Variants in NUP160 observed in about 807,000 individuals in gnomAD.
NUP160 encodes nucleoporin 160, also known as nuclear pore complex protein Nup160.
NUP160 carries 94 observed loss-of-function variants against 196.9 expected under a neutral mutation model. That is an observed-to-expected ratio of 0.48 (90% confidence interval 0.40 to 0.57). NUP160 has a LOEUF of 0.57. Among genes scored for constraint, NUP160 ranks in the 20% least tolerant of loss-of-function variants. The pLI is 0.00. For synonymous variants in NUP160, 605 were observed against 619.7 expected (o/e 0.98, Z 0.35); for missense variants, 1,638 against 1,748.3 (o/e 0.94, Z 1.13).
chr11:47,810,053 T>G (rs186407202), intron 17 of NUP160, among the ~76,000 whole-genome samples: 110 of 152,166 alleles, frequency 7.2e-4, no homozygotes, highest in Middle Eastern at 3.4e-3. Flanking sequence ...TGACAAAAGT[T>G]ATAATTTAAA....
intron 33 of NUP160, among the ~76,000 whole-genome samples, chr11:47,784,063 C>CA (rs1407537455): frequency 2.7e-5 from 4 of 150,922 alleles, no homozygotes; most frequent in Admixed American, 6.6e-5. Flanking sequence ...CAAAAAAAAC[C>CA]AAAAAAAACT....
chr11:47,812,040 A>C, intron 17 of NUP160, 24 bp downstream of exon 17: 1 of 1,612,514 alleles, frequency 6.2e-7, no homozygotes, highest in Non-Finnish European at 8.5e-7. Flanking sequence ...AGATTTTACA[A>C]GTTTTCCCTC....
intron 6 of NUP160, among the ~76,000 whole-genome samples, chr11:47,836,410 T>G (rs763798978): frequency 2.6e-5 from 4 of 152,084 alleles, no homozygotes; most frequent in Non-Finnish European, 5.9e-5. Flanking sequence ...TGCTCTTAAA[T>G]GAAAGGTCCA....
chr11:47,817,974 A>G (rs1851772335), intron 11 of NUP160, 82 bp downstream of exon 11: 2 of 741,204 alleles, frequency 2.7e-6, no homozygotes, highest in Non-Finnish European at 4.6e-6. Flanking sequence ...AGTGTTTAAT[A>G]TATGCAAAAA....
At chr11:47,827,054 C>T (rs1210703323) in intron 7 of NUP160, 1 of 456,090 alleles carries the variant, frequency 2.2e-6, no homozygotes, top group East Asian at 7.0e-5. Flanking sequence ...ACCTCCTCAA[C>T]ACAATATAAA....
intron 27 of NUP160, among the ~76,000 whole-genome samples, chr11:47,793,503 T>G (rs1359882379): frequency 6.6e-6 from 1 of 151,790 alleles, no homozygotes; most frequent in Non-Finnish European, 1.5e-5. Flanking sequence ...CCTCAAAAAA[T>G]TAAAAGTGAA....
chr11:47,807,172 A>T, intron 18 of NUP160, 32 bp from the exon 19 acceptor site: 1 of 1,348,236 alleles, frequency 7.4e-7, no homozygotes, highest in Non-Finnish European at 1.1e-6. Flanking sequence ...CAGCTTAGTA[A>T]ATTCTCCTAT....
intron 23 of NUP160, among the ~76,000 whole-genome samples, chr11:47,800,815 T>C (rs1291662288): frequency 6.6e-6 from 1 of 152,150 alleles, no homozygotes; most frequent in Non-Finnish European, 1.5e-5. Context: ...TAAATTCTAG[T>C]CTAAAATATA....
intron 19 of NUP160, among the ~76,000 whole-genome samples, chr11:47,806,846 CACACACAT>C (rs1313403968): frequency 4.2e-4 from 45 of 107,184 alleles, no homozygotes; most frequent in African/African-American, 7.5e-4. Flanking sequence ...CACACACACA[CACACACAT>C]ATATATACCA....
intron 19 of NUP160, 42 bp downstream of exon 19, chr11:47,807,028 T>A (rs2097678143): frequency 7.2e-7 from 1 of 1,389,490 alleles, no homozygotes; most frequent in Non-Finnish European, 1.0e-6. Flanking sequence ...ATGCAATAAA[T>A]CCCCAGTTTA....
intron 2 of NUP160, 67 bp from the exon 3 acceptor site, chr11:47,840,655 A>ATT: frequency 7.7e-7 from 1 of 1,299,186 alleles, no homozygotes; most frequent in Non-Finnish European, 1.1e-6. Flanking sequence ...ACTGAAATAT[A>ATT]TGAGAACAGT....
rs572150952 is a variant in NUP160 at position 47,822,700 on chromosome 11, C to A, written c.1102-536G>T. On this transcript the variant is annotated intron_variant, in intron 7 of 35. Transcript: ENST00000378460. ...AATTCATTTACATTACGTATATCTC[C>A]TAATGTTATCCCTCCCCACTCCCCC... Among the ~76,000 whole-genome samples the A allele has an allele frequency of 6.6e-5, 10 of 152,024 alleles. No individual in the cohort carries two copies. The East Asian group carries it at 1.9e-3, about 29-fold the overall frequency.
intron 23 of NUP160, among the ~76,000 whole-genome samples, chr11:47,799,824 G>A (rs2097673088): frequency 6.6e-6 from 1 of 152,160 alleles, no homozygotes. Context: ...GGGATTACAG[G>A]CGTGAGCCAC....
At chr11:47,843,640 T>C (rs1470657132) in intron 2 of NUP160, among the ~76,000 whole-genome samples, 1 of 152,206 alleles carries the variant, frequency 6.6e-6, no homozygotes, top group African/African-American at 2.4e-5. Flanking sequence ...GAAGTGGCGG[T>C]ATAGATGTGC....
intron 32 of NUP160, 77 bp downstream of exon 32, chr11:47,786,376 G>T: frequency 1.1e-6 from 1 of 882,616 alleles, no homozygotes; most frequent in Non-Finnish European, 1.9e-6. Context: ...GATCTATGTA[G>T]GACAATTTAG....
intron 20 of NUP160, among the ~76,000 whole-genome samples, chr11:47,805,717 A>G (rs1262915593): frequency 6.6e-6 from 1 of 152,120 alleles, no homozygotes; most frequent in Non-Finnish European, 1.5e-5. Context: ...AAGTACTGGG[A>G]TTACAGGCGT....
chr11:47,801,948 A>G lies in NUP160; in HGVS notation c.2776-18T>C. Reference sequence around the variant, plus strand: ...TCCAGAGCCTGGAGAAATAAAATATAAAATGACTTGTAACAGATCATTCAA... The same window carrying G: ...TCCAGAGCCTGGAGAAATAAAATATGAAATGACTTGTAACAGATCATTCAA... On this transcript the variant is annotated intron_variant, in intron 22 of 35. Coordinates refer to ENST00000378460, the Ensembl canonical transcript of NUP160. 6.2e-7 allele frequency: 1 copy of G among 1,613,094 alleles called. No individual in the cohort carries two copies.
intron 9 of NUP160, chr11:47,821,352 CTT>C (rs763021512): frequency 6.3e-5 from 6 of 94,954 alleles, no homozygotes; most frequent in African/African-American, 8.2e-5. Flanking sequence ...GCTCCCTTGT[CTT>C]TTTTTTTTTT....
chr11:47,826,500 T>C (rs1488298324), intron 7 of NUP160, among the ~76,000 whole-genome samples: 2 of 152,044 alleles, frequency 1.3e-5, no homozygotes, highest in Admixed American at 6.6e-5. Flanking sequence ...GTTCTCAAAA[T>C]GTGGTCCACA....
Sources: allele counts gnomAD v4.1 joint callset (sites outside exome capture counted in the v4.1 genomes callset), GRCh38; gene constraint gnomAD v4.1.1; transcripts MANE v1.5; gene names NCBI Gene and HGNC (gene_info 2026-07-23, HGNC 2026-07-21).